The following CNTNAP5 variants were observed in gnomAD, a reference collection of about 807,000 sequenced individuals.
CNTNAP5 encodes the protein contactin associated protein family member 5, also known as contactin-associated protein-like 5.
Under a neutral mutation model 150.2 loss-of-function variants are expected in CNTNAP5, and 72 were observed. The ratio of observed to expected loss-of-function variants is 0.48; its 90% confidence interval spans 0.40 to 0.58. The LOEUF (loss-of-function observed/expected upper bound fraction) is 0.58, where lower values mean the gene tolerates loss of function less well. CNTNAP5 is among the 20% of genes least tolerant of loss of function. CNTNAP5 has a pLI of 0.00. For synonymous variants in CNTNAP5, 672 were observed against 619.8 expected (o/e 1.08, Z -1.25); for missense variants, 1,636 against 1,626.2 (o/e 1.01, Z -0.10).
intron 17 of CNTNAP5, among the ~76,000 whole-genome samples, chr2:124,785,451 C>T (rs376181645): frequency 1.2e-4 from 19 of 152,226 alleles, no homozygotes; most frequent in Middle Eastern, 3.4e-3. Flanking sequence ...AGGAAATGAT[C>T]GGTGGGTAGA....
In CNTNAP5 at chr2:124,798,117, C is replaced by T. The variant is rs1324437865; in HGVS notation, c.3014C>T (p.Ala1005Val). The change falls in exon 19 of 24, where the codon GCT becomes GTT. Residue 1005 changes from alanine (A) to valine (V), a missense_variant. Ala to Val is a moderately conservative substitution (Grantham distance 64). Transcript: ENST00000682447. ...CKKEVSAVFE[A>V]GTSVTYMFQE... is the part of the protein sequence containing the mutation. Reference sequence around the variant, plus strand: ...GCAGAGGTTTCTGCTGTTTTTGAGGCTGGCACGTCGGTTACTTACATGTTT... The same window carrying T: ...GCAGAGGTTTCTGCTGTTTTTGAGGTTGGCACGTCGGTTACTTACATGTTT... The T allele has an allele frequency of 1.9e-6, 3 of 1,611,600 alleles. No homozygotes were observed. The highest frequency in any genetic ancestry group is 2.5e-6 in the Non-Finnish European group (3 of 1,178,738).
chr2:124,486,892 A>G (rs190441116), intron 7 of CNTNAP5, among the ~76,000 whole-genome samples: 59 of 152,386 alleles, frequency 3.9e-4, no homozygotes, highest in Admixed American at 3.5e-3. Context: ...ATAGGTGGAC[A>G]TGAATTAGAA....
intron 19 of CNTNAP5, among the ~76,000 whole-genome samples, chr2:124,856,587 G>C (rs543642977): frequency 6.3e-4 from 96 of 152,252 alleles, no homozygotes; most frequent in African/African-American, 2.2e-3. Flanking sequence ...CCCTGATCAT[G>C]AGTGATGTTG....
At chr2:124,308,359 T>C (rs1688742538) in intron 3 of CNTNAP5, among the ~76,000 whole-genome samples, 1 of 152,194 alleles carries the variant, frequency 6.6e-6, no homozygotes, top group Non-Finnish European at 1.5e-5. Context: ...CTTTATTACC[T>C]GCTCAGCTAG....
chr2:124,705,084 C>T (rs965918207), intron 13 of CNTNAP5, among the ~76,000 whole-genome samples: 1 of 151,872 alleles, frequency 6.6e-6, no homozygotes, highest in Admixed American at 6.6e-5. Flanking sequence ...TATTATGCAA[C>T]ATATATATAG....
At chr2:124,271,975 A>G (rs1687771519) in intron 3 of CNTNAP5, among the ~76,000 whole-genome samples, 1 of 152,092 alleles carries the variant, frequency 6.6e-6, no homozygotes, top group Admixed American at 6.6e-5. Context: ...TCAGCCTCCC[A>G]AAGTGCTGGG....
At chr2:124,789,632 A>G (rs1259505217) in intron 17 of CNTNAP5, among the ~76,000 whole-genome samples, 1 of 151,880 alleles carries the variant, frequency 6.6e-6, no homozygotes, top group African/African-American at 2.4e-5. Flanking sequence ...TTTACCTCCC[A>G]CTTATAAATG....
At chr2:124,767,338 C>T (rs1239277225) in intron 16 of CNTNAP5, among the ~76,000 whole-genome samples, 1 of 152,164 alleles carries the variant, frequency 6.6e-6, no homozygotes, top group Non-Finnish European at 1.5e-5. Context: ...AATTTCGTAG[C>T]CCATACTCTA....
At chr2:124,367,477 A>G (rs899454832) in intron 3 of CNTNAP5, among the ~76,000 whole-genome samples, 2 of 152,146 alleles carry the variant, frequency 1.3e-5, no homozygotes, top group Non-Finnish European at 2.9e-5. Flanking sequence ...CACCCCCATG[A>G]TTCAATTACC....
At chr2:124,248,544 C>T (rs1687086460) in intron 3 of CNTNAP5, among the ~76,000 whole-genome samples, 1 of 152,234 alleles carries the variant, frequency 6.6e-6, no homozygotes, top group African/African-American at 2.4e-5. Context: ...AAAGCAACAG[C>T]TGGTCTTCAC....
intron 3 of CNTNAP5, among the ~76,000 whole-genome samples, chr2:124,412,423 G>T (rs1238126877): frequency 4.1e-5 from 6 of 147,304 alleles, no homozygotes; most frequent in South Asian, 2.2e-4. Context: ...CATTGCCAAG[G>T]CAATCCTAAG....
chr2:124,724,166 AATAATAATAATG>A (rs1465032896), intron 13 of CNTNAP5, among the ~76,000 whole-genome samples: 1 of 150,086 alleles, frequency 6.7e-6, no homozygotes, highest in Non-Finnish European at 1.5e-5. Context: ...TAATAATAAT[AATAATAATAATG>A]ATGATACAGA....
chr2:124,114,976 A>G (rs17279639), intron 1 of CNTNAP5, among the ~76,000 whole-genome samples: 14,591 of 151,886 alleles, frequency 0.096, 796 homozygotes, highest in Non-Finnish European at 0.13. Context: ...ATAAATCCAA[A>G]TTAATTACTG....
intron 10 of CNTNAP5, among the ~76,000 whole-genome samples, chr2:124,549,642 A>C (rs1188588110): frequency 2.0e-5 from 3 of 152,218 alleles, no homozygotes; most frequent in Non-Finnish European, 4.4e-5. Flanking sequence ...CACTGATAGA[A>C]GTTCTAGATA....
chr2:124,105,886 T>C (rs912898716), intron 1 of CNTNAP5, among the ~76,000 whole-genome samples: 1 of 152,194 alleles, frequency 6.6e-6, no homozygotes, highest in Non-Finnish European at 1.5e-5. Flanking sequence ...GAATTTTCAA[T>C]GGATCATCTG....
chr2:124,775,074 C>T (rs1681291662), intron 17 of CNTNAP5, among the ~76,000 whole-genome samples: 1 of 152,142 alleles, frequency 6.6e-6, no homozygotes, highest in African/African-American at 2.4e-5. Flanking sequence ...TGTTACTCTG[C>T]TTTATTGAAT....
At chr2:124,792,338 C>T (rs1681752279) in intron 18 of CNTNAP5, among the ~76,000 whole-genome samples, 1 of 152,088 alleles carries the variant, frequency 6.6e-6, no homozygotes, top group Admixed American at 6.6e-5. Flanking sequence ...CTAAATTTAA[C>T]TTATTGGGGC....
intron 19 of CNTNAP5, among the ~76,000 whole-genome samples, chr2:124,826,915 TTTC>T (rs1682606995): frequency 6.6e-6 from 1 of 151,792 alleles, no homozygotes; most frequent in South Asian, 2.1e-4. Flanking sequence ...CGAAAATTTT[TTTC>T]TTTTCTTTCT....
chr2:124,028,710 T>A (rs1202074278), intron 1 of CNTNAP5, among the ~76,000 whole-genome samples: 3 of 152,104 alleles, frequency 2.0e-5, no homozygotes, highest in African/African-American at 7.2e-5. Flanking sequence ...GACTTGATAG[T>A]TGGTTAAAGT....
Sources: allele counts gnomAD v4.1 joint callset (sites outside exome capture counted in the v4.1 genomes callset), GRCh38; gene constraint gnomAD v4.1.1; transcripts MANE v1.5; gene names NCBI Gene and HGNC (gene_info 2026-07-23, HGNC 2026-07-21).